Variants in PCNX3 observed in about 807,000 individuals in gnomAD.
PCNX3 encodes the protein pecanex 3, also known as pecanex-like protein 3.
A neutral mutation model predicts 207.2 loss-of-function variants in PCNX3; 58 were observed. The observed-to-expected ratio is 0.28, with a 90% CI of 0.23 to 0.35. The LOEUF is 0.35. Ranked by LOEUF, PCNX3 falls within the 10% of genes least tolerant of loss-of-function variation. The probability of loss-of-function intolerance (pLI) is 1.00; values close to 1 mark genes in which losing one functional copy is unlikely to be tolerated. For missense variants in PCNX3, 2,410 were observed against 2,774.4 expected, an observed-to-expected ratio of 0.87 and a Z score of 2.95; for synonymous variants, 1,337 against 1,183.5, an observed-to-expected ratio of 1.13 and a Z score of -2.66.
Position 65,618,280 on chromosome 11 carries a change from CAGGG to C in PCNX3, c.921_924del (p.Glu308HisfsTer2). ...CAGACTCCTGCTTCAGCGGCACTGACAGGGAGACATTGAGCAGCTTCAAGAGTGA... is the reference window on the plus strand; with the variant it reads ...CAGACTCCTGCTTCAGCGGCACTGACAGACATTGAGCAGCTTCAAGAGTGA... On this transcript the variant is annotated frameshift_variant, in exon 6 of 35. Transcript: ENST00000355703. LOFTEE classifies it high-confidence loss of function. The C allele has an allele frequency of 6.2e-7, 1 of 1,610,344 alleles. No homozygotes were observed. The highest frequency in any genetic ancestry group is 8.5e-7 in the Non-Finnish European group (1 of 1,178,150).
In PCNX3 at chr11:65,624,594, C is replaced by CA. The variant is rs779326503; in HGVS notation, c.2827+14dup. The stretch of plus-strand genomic sequence containing the variant: ...TTCGGGGGCACAGGTATGATGCCCA[C>CA]AGGTGGCTCAGGGATGGGGCCCGTG... On this transcript the variant is annotated intron_variant, in intron 15 of 34. Transcript: ENST00000355703. 6.4e-7 allele frequency: 1 copy of CA among 1,569,884 alleles called. No homozygotes were observed. The highest frequency in any genetic ancestry group is 1.8e-5 in the Admixed American group (1 of 54,120).
chr11:65,620,146 C>T (rs1000204726), intron 8 of PCNX3, among the ~76,000 whole-genome samples, 193 bp from the exon 9 acceptor site: 4 of 152,240 alleles, frequency 2.6e-5, no homozygotes, highest in Non-Finnish European at 4.4e-5. Flanking sequence ...CAGGGGAGAT[C>T]TAAAGCTAGG....
rs913859953 is a variant in PCNX3, at chr11:65,624,077, C to T, written c.2544+116C>T. 3.6e-5 allele frequency: 57 copies of T among 1,570,938 alleles called. No individual in the cohort carries two copies. In the Admixed American group the frequency reaches 8.9e-4, roughly 25 times the overall value. On this transcript the variant is annotated intron_variant, in intron 13 of 34. Transcript: ENST00000355703. ...GCTCCCTCACCACCCCCATCACCCC[C>T]ACCTGGCCAGGCTCTCCAGCTTGGA...
Position 65,616,901 on chromosome 11 carries a change from C to G in PCNX3, c.231C>G (p.Val77=), listed in dbSNP as rs1389627706. Residue 77 remains valine, a synonymous_variant, in exon 2 of 35, where the codon GTC becomes GTG. Coordinates refer to ENST00000355703, the MANE Select transcript of PCNX3 (RefSeq NM_032223.4). ...VAVIFATIKT[V]NYRLHAMFDQ... is the part of the protein sequence containing the mutation. ...TCATCTTTGCTACTATCAAGACTGT[C>G]AATTATCGGCTTCATGCCATGTTTG... 1 of 1,613,636 alleles carries G rather than the reference C, an allele frequency of 6.2e-7. No homozygotes were observed. Among genetic ancestry groups the G allele is most frequent in the Non-Finnish European group, 8.5e-7 (1 of 1,179,866 alleles).
rs1160404814 is a variant in PCNX3 at position 65,625,103 on chromosome 11, TCACA to T, written c.2920-66_2920-63del. On this transcript the variant is annotated intron_variant, in intron 16 of 34. Coordinates refer to ENST00000355703, the MANE Select transcript of PCNX3 (RefSeq NM_032223.4). This position sits in a 1 kb window ranked among gnomAD's most constrained non-coding sequence, Gnocchi z 5.6. ...GTGAACTGGGCTCAGCAGTGGCTTC[TCACA>T]CGGGGGCAGCCCGGGCCCCATGCTT... 1 of 1,552,018 alleles carries T rather than the reference TCACA, an allele frequency of 6.4e-7. No individual in the cohort carries two copies. Among genetic ancestry groups the T allele is most frequent in the East Asian group, 2.3e-5 (1 of 43,614 alleles).
rs1160661368 is a variant in PCNX3 at position 65,616,216 on chromosome 11, G to A, written c.-96G>A. The A allele has an allele frequency of 2.4e-5, 25 of 1,043,372 alleles. No homozygotes were observed. In the South Asian group the frequency reaches 4.6e-4, roughly 19 times the overall value. The allele number at this position is 1,043,372 out of a possible 1,614,324, so 64.6% of individuals were successfully genotyped here. A position where few individuals can be genotyped will look rare whatever the true frequency, so the allele number is the denominator to read the frequency against. ...GAGGCCATGGCGTGAGCGTGAGGCC[G>A]GGCCCCGGGGCCCTCAGGCGCCAGA... On this transcript the variant is annotated 5_prime_UTR_variant, in exon 1 of 35. Transcript: ENST00000355703.
chr11:65,625,105 A>T lies in PCNX3; in HGVS notation c.2920-66A>T. On this transcript the variant is annotated intron_variant, in intron 16 of 34. Coordinates refer to ENST00000355703, the MANE Select transcript of PCNX3 (RefSeq NM_032223.4). This position sits in a 1 kb window ranked among gnomAD's most constrained non-coding sequence, Gnocchi z 5.6. ...GAACTGGGCTCAGCAGTGGCTTCTC[A>T]CACGGGGGCAGCCCGGGCCCCATGC... 6.5e-7 allele frequency: 1 copy of T among 1,547,198 alleles called. No individual in the cohort carries two copies. Among genetic ancestry groups the T allele is most frequent in the Non-Finnish European group, 8.8e-7 (1 of 1,134,236 alleles).
Position 65,616,079 on chromosome 11 carries a change from G to T in PCNX3, c.-233G>T. ...GGCCAGGAGTGGGGACCCGGACCCCGCCCCTGATGCAGCCCCACCCCCGCG... is the reference window on the plus strand; with the variant it reads ...GGCCAGGAGTGGGGACCCGGACCCCTCCCCTGATGCAGCCCCACCCCCGCG... On this transcript the variant is annotated 5_prime_UTR_variant, in exon 1 of 35. Coordinates refer to ENST00000355703, the MANE Select transcript of PCNX3 (RefSeq NM_032223.4). The T allele has an allele frequency of 3.1e-6, 1 of 326,130 alleles. No individual in the cohort carries two copies. Among genetic ancestry groups the T allele is most frequent in the East Asian group, 5.0e-5 (1 of 20,022 alleles). The allele number at this position is 326,130 out of a possible 1,614,324, so 20.2% of individuals were successfully genotyped here. A position where few individuals can be genotyped will look rare whatever the true frequency, so the allele number is the denominator to read the frequency against.
Position 65,616,193 on chromosome 11 carries a change from G to A in PCNX3, c.-119G>A, listed in dbSNP as rs993150248. ...CGAGCCCCCCTCCCCCGCTGGGGGA[G>A]GCCATGGCGTGAGCGTGAGGCCGGG... is the stretch of plus-strand genomic sequence containing the variant. On this transcript the variant is annotated 5_prime_UTR_variant, in exon 1 of 35. Coordinates refer to ENST00000355703, the MANE Select transcript of PCNX3 (RefSeq NM_032223.4). 9 of 773,044 alleles carry A rather than the reference G, an allele frequency of 1.2e-5. No individual in the cohort carries two copies. The highest frequency in any genetic ancestry group is 1.9e-5 in the African/African-American group (1 of 54,008). The allele number at this position is 773,044 out of a possible 1,614,324, so 47.9% of individuals were successfully genotyped here. A position where few individuals can be genotyped will look rare whatever the true frequency, so the allele number is the denominator to read the frequency against.
chr11:65,618,764 C>A lies in PCNX3; in HGVS notation c.1402C>A (p.Arg468=), dbSNP rs749820356. The A allele has an allele frequency of 6.2e-7, 1 of 1,611,486 alleles. No individual in the cohort carries two copies. The highest frequency in any genetic ancestry group is 1.7e-5 in the Admixed American group (1 of 59,858). Residue 468 remains arginine (R), a synonymous_variant, in exon 6 of 35, where the codon CGG becomes AGG. Transcript: ENST00000355703. ...GGGTGCAGCAGGGGGACCCCGGAAG[C>A]GGAGGGCCCCCCATGGGGCTGAGGA... ...SRGAAGGPRK[R]RAPHGAEEGT... is the part of the protein sequence containing the mutation.
At chr11:65,632,994 C>T (rs1265798866) in intron 27 of PCNX3, among the ~76,000 whole-genome samples, 2 of 152,126 alleles carry the variant, frequency 1.3e-5, no homozygotes, top group Admixed American at 1.3e-4. Context: ...ATCCTCCCAC[C>T]TCCACCTCCC....
chr11:65,615,933 T>C lies in PCNX3; in HGVS notation c.-379T>C, dbSNP rs1331264589. The C allele has an allele frequency of 6.3e-6, 1 of 158,654 alleles. No individual in the cohort carries two copies. The highest frequency in any genetic ancestry group is 1.4e-5 in the Non-Finnish European group (1 of 72,588). The allele number at this position is 158,654 out of a possible 1,614,324, so 9.8% of individuals were successfully genotyped here. ...CTGGGGTTCTCCCTGGTCCGGAGAC[T>C]AGGGAGCTGTCGCCTGCACCCCGGG... On this transcript the variant is annotated 5_prime_UTR_variant, in exon 1 of 35. Coordinates refer to ENST00000355703, the MANE Select transcript of PCNX3 (RefSeq NM_032223.4).
Position 65,617,339 on chromosome 11 carries a change from A to G in PCNX3, c.431A>G (p.Asn144Ser), listed in dbSNP as rs200883423. Residue 144 changes from asparagine (N) to serine (S), a missense_variant, in exon 3 of 35, where the codon AAC becomes AGC. By Grantham distance (46) the Asn-to-Ser change is conservative. This residue lies in a region of PCNX3 where 1,104 missense variants were observed against 970.3 expected (regional missense o/e 1.14). Transcript: ENST00000355703. ...CSSQHSVFGF[N>S]QVSELLPRME... Reference sequence around the variant, plus strand: ...TCCCAGCACTCTGTGTTTGGCTTCAACCAGGTCTCGGTGAGTGGGCCTGGA... The same window carrying G: ...TCCCAGCACTCTGTGTTTGGCTTCAGCCAGGTCTCGGTGAGTGGGCCTGGA... The G allele has an allele frequency of 1.5e-5, 24 of 1,611,268 alleles. No homozygotes were observed. Among genetic ancestry groups the G allele is most frequent in the South Asian group, 2.2e-5 (2 of 90,770 alleles).
rs2135493380 is a variant in PCNX3 at position 65,636,902 on chromosome 11, C to T, written c.6029C>T (p.Ala2010Val). The T allele has an allele frequency of 6.4e-7, 1 of 1,555,780 alleles. No individual in the cohort carries two copies. The highest frequency in any genetic ancestry group is 2.4e-5 in the East Asian group (1 of 41,358). Residue 2010 changes from alanine (A) to valine (V), a missense_variant, in exon 35 of 35, where the codon GCC (alanine) becomes GTC (valine). Transcript: ENST00000355703. Reference protein sequence around the residue: ...SAPESGTPMGALGDWPAPIEE... With the variant: ...SAPESGTPMGVLGDWPAPIEE... ...CCTGAGAGTGGCACACCTATGGGTG[C>T]CCTGGGCGACTGGCCTGCCCCTATT...
Position 65,636,592 on chromosome 11 carries a change from C to T in PCNX3, c.5795C>T (p.Pro1932Leu), listed in dbSNP as rs762411684. ...CCGGGTCTCCTCAGTTCTGAGGGCC[C>T]CAGTGGAAAGTGGAGCCTGGGGGGC... ...PGPGLLSSEG[P>L]SGKWSLGGRK... is the part of the protein sequence containing the mutation. Residue 1932 changes from proline to leucine, a missense_variant, in exon 34 of 35, where the codon CCC becomes CTC. Pro to Leu is a moderately conservative substitution (Grantham distance 98). This residue lies in a region of PCNX3 where 278 missense variants were observed against 245.1 expected (regional missense o/e 1.13). Transcript: ENST00000355703. The T allele has an allele frequency of 9.4e-6, 15 of 1,591,678 alleles. No homozygotes were observed. The Admixed American group carries it at 1.3e-4, about 13-fold the overall frequency.
At chr11:65,620,317 C>T in intron 8 of PCNX3, 22 bp from the exon 9 acceptor site, 1 of 1,603,406 alleles carries the variant, frequency 6.2e-7, no homozygotes, top group Non-Finnish European at 8.5e-7. Flanking sequence ...CACGCTGCCT[C>T]ATCTCCCATA....
At chr11:65,630,675 AC>A (rs1459754046) in intron 27 of PCNX3, 71 bp downstream of exon 27, 3 of 1,544,826 alleles carry the variant, frequency 1.9e-6, no homozygotes, top group Admixed American at 3.7e-5. Context: ...AGGCCCCAGT[AC>A]CCCCTTTCTG....
chr11:65,625,913 G>T lies in PCNX3; in HGVS notation c.3238G>T (p.Gly1080Cys). Residue 1080 changes from glycine (G) to cysteine (C), a missense_variant, in exon 20 of 35, where the codon GGT becomes TGT. Coordinates refer to ENST00000355703, the MANE Select transcript of PCNX3 (RefSeq NM_032223.4). This position sits in a 1 kb window ranked among gnomAD's most constrained non-coding sequence, Gnocchi z 5.6. ...TVFIALKSVLGFVLYALAGAV... is the reference protein window; with the variant it reads ...TVFIALKSVLCFVLYALAGAV... ...CCTCTCCCTCCTGCAGTCGGTGCTG[G>T]GTTTCGTGTTGTACGCACTGGCTGG... 6.2e-7 allele frequency: 1 copy of T among 1,613,436 alleles called. No homozygotes were observed. Among genetic ancestry groups the T allele is most frequent in the Non-Finnish European group, 8.5e-7 (1 of 1,179,588 alleles).
rs2135485795 is a variant in PCNX3 at position 65,635,403 on chromosome 11, G to A, written c.5139G>A (p.Lys1713=). 6.2e-7 allele frequency: 1 copy of A among 1,612,282 alleles called. No homozygotes were observed. The highest frequency in any genetic ancestry group is 2.2e-5 in the East Asian group (1 of 44,858). The change falls in exon 31 of 35, where the codon AAG becomes AAA. Residue 1713 remains lysine, a synonymous_variant. Transcript: ENST00000355703. The surrounding 1 kb of genome is among the most constrained non-coding windows in gnomAD (Gnocchi z 9.9). The part of the protein sequence containing the change: ...HVLDDASDEY[K]IIMLNRRHLS... ...TGGATGATGCCTCCGACGAGTACAA[G>A]ATCATCATGCTCAACCGGCGCCACC... is the stretch of plus-strand genomic sequence containing the variant.
Sources: gnomAD v4.1 joint callset for allele counts (sites outside exome capture counted in the v4.1 genomes callset) on GRCh38, gnomAD v4.1.1 for gene constraint, gnomAD v4.1.1 regional missense constraint, Gnocchi (gnomAD v3.1) non-coding constraint, MANE v1.5 for transcripts, NCBI Gene and HGNC (gene_info 2026-07-23, HGNC 2026-07-21) for gene names.